SLC6A2: variants seen among roughly 807,000 people sequenced by gnomAD.
SLC6A2 encodes the protein solute carrier family 6 member 2, also known as sodium-dependent noradrenaline transporter.
Under a neutral mutation model 71.7 loss-of-function variants are expected in SLC6A2, and 26 were observed. That is an observed-to-expected ratio of 0.36 (90% confidence interval 0.27 to 0.50). The LOEUF (loss-of-function observed/expected upper bound fraction) is 0.50, where lower values mean the gene tolerates loss of function less well. Among genes scored for constraint, SLC6A2 ranks in the 20% least tolerant of loss-of-function variants. The pLI is 0.96. For missense variants in SLC6A2, 581 were observed against 803.9 expected (o/e 0.72, Z 3.35); for synonymous variants, 363 against 337.9 (o/e 1.07, Z -0.82).
rs1966038880 is a variant in SLC6A2 at position 55,703,633 on chromosome 16, T to G, written c.*1287T>G. ...GTTTTAGTTCCGTAAGAGAAATGAT[T>G]CCTAGTTTGCTAAATTGGTGGCATC... is the stretch of plus-strand genomic sequence containing the variant. On this transcript the variant is annotated 3_prime_UTR_variant, in exon 15 of 15. Coordinates refer to ENST00000568943, the MANE Select transcript of SLC6A2 (RefSeq NM_001172501.3). 6 of 985,472 alleles carry G rather than the reference T, an allele frequency of 6.1e-6. No individual in the cohort carries two copies. Among genetic ancestry groups the G allele is most frequent in the Non-Finnish European group, 7.2e-6 (6 of 829,940 alleles). 61.0% of individuals were successfully genotyped at this position (985,472 alleles called of 1,614,324 possible). A position where few individuals can be genotyped will look rare whatever the true frequency, so the allele number is the denominator to read the frequency against.
chr16:55,693,487 A>C (rs553154289), intron 6 of SLC6A2, among the ~76,000 whole-genome samples: 1 of 152,372 alleles, frequency 6.6e-6, no homozygotes, highest in South Asian at 2.1e-4. Flanking sequence ...AACATGAGGC[A>C]GAGAAGTTAA....
chr16:55,685,487 C>T (rs1965423358), intron 5 of SLC6A2, among the ~76,000 whole-genome samples: 2 of 152,104 alleles, frequency 1.3e-5, no homozygotes, highest in Admixed American at 1.3e-4. Context: ...GTCTCCACCA[C>T]AATAGGTTGA....
chr16:55,682,063 C>T (rs868317969), intron 4 of SLC6A2, among the ~76,000 whole-genome samples: 1 of 152,160 alleles, frequency 6.6e-6, no homozygotes, highest in Non-Finnish European at 1.5e-5. Context: ...TGCACTACCA[C>T]ACCCAGCTAA....
chr16:55,701,786 A>T, intron 13 of SLC6A2, 77 bp from the exon 14 acceptor site: 3 of 1,083,948 alleles, frequency 2.8e-6, no homozygotes, highest in Non-Finnish European at 4.3e-6. Flanking sequence ...GGTGGCCCTC[A>T]TCTGGGGGTG....
intron 6 of SLC6A2, among the ~76,000 whole-genome samples, chr16:55,692,500 A>G (rs1012561868): frequency 1.6e-4 from 25 of 152,040 alleles, no homozygotes; most frequent in African/African-American, 6.0e-4. Context: ...GGCCCTGCCA[A>G]CTCTCTTCCC....
At chr16:55,660,116 C>CAGCT (rs1284540639) in intron 2 of SLC6A2, among the ~76,000 whole-genome samples, 1 of 152,146 alleles carries the variant, frequency 6.6e-6, no homozygotes, top group African/African-American at 2.4e-5. Context: ...GGTTGAAGCT[C>CAGCT]AGCTGCTCTG....
intron 5 of SLC6A2, among the ~76,000 whole-genome samples, chr16:55,687,315 T>G (rs990899486): frequency 5.3e-5 from 8 of 152,256 alleles, no homozygotes; most frequent in African/African-American, 1.9e-4. Flanking sequence ...TATGTGTAGT[T>G]TGTCTTGATA....
chr16:55,702,747 C>CCAAA lies in SLC6A2; in HGVS notation c.*401_*402insCAAA, dbSNP rs201774381. Reference sequence around the variant, plus strand: ...TGGGCTTTTGATCAGATACCCCTCCCAAAAAAAAAAAAAACTAAAACTAAA... The same window carrying CCAAA: ...TGGGCTTTTGATCAGATACCCCTCCCCAAAAAAAAAAAAAAAAACTAAAACTAAA... On this transcript the variant is annotated 3_prime_UTR_variant, in exon 15 of 15. Coordinates refer to ENST00000568943, the MANE Select transcript of SLC6A2 (RefSeq NM_001172501.3). The CCAAA allele has an allele frequency of 8.1e-5, 75 of 920,560 alleles. No individual in the cohort carries two copies. The African/African-American group carries it at 1.0e-3, about 13-fold the overall frequency. 57.0% of individuals were successfully genotyped at this position (920,560 alleles called of 1,614,324 possible). A position where few individuals can be genotyped will look rare whatever the true frequency, so the allele number is the denominator to read the frequency against.
chr16:55,678,913 G>A (rs1965180392), intron 4 of SLC6A2, among the ~76,000 whole-genome samples: 1 of 152,204 alleles, frequency 6.6e-6, no homozygotes, highest in African/African-American at 2.4e-5. Context: ...TTGGGTGTAA[G>A]CTTGGGAGTC....
intron 4 of SLC6A2, among the ~76,000 whole-genome samples, chr16:55,680,228 C>G (rs1965226694): frequency 6.6e-6 from 1 of 152,112 alleles, no homozygotes; most frequent in African/African-American, 2.4e-5. Context: ...TGACAGGAGG[C>G]AGAGAGACTG....
At chr16:55,690,293 T>C (rs1294673081) in intron 5 of SLC6A2, among the ~76,000 whole-genome samples, 2 of 152,226 alleles carry the variant, frequency 1.3e-5, no homozygotes, top group African/African-American at 2.4e-5. Flanking sequence ...ATTTTACTTC[T>C]AAGGAGCTCA....
chr16:55,658,088 G>C (rs1964508546), intron 2 of SLC6A2, among the ~76,000 whole-genome samples: 1 of 152,180 alleles, frequency 6.6e-6, no homozygotes. Flanking sequence ...GTCAGAGGGA[G>C]GAAGGGCAAG....
At position 55,703,669 on chromosome 16, in the gene SLC6A2, G is replaced by C; in HGVS notation, c.*1323G>C. On this transcript the variant is annotated 3_prime_UTR_variant, in exon 15 of 15. Transcript: ENST00000568943. ...TAAATTGGTGGCATCTTTGGGAGGGGTTTCTGTTTATGGTTAGAGTCTCTT... is the reference window on the plus strand; with the variant it reads ...TAAATTGGTGGCATCTTTGGGAGGGCTTTCTGTTTATGGTTAGAGTCTCTT... 3 of 985,402 alleles carry C rather than the reference G, an allele frequency of 3.0e-6. No homozygotes were observed. Among genetic ancestry groups the C allele is most frequent in the Non-Finnish European group, 3.6e-6 (3 of 829,924 alleles). 61.0% of individuals were successfully genotyped at this position (985,402 alleles called of 1,614,324 possible).
chr16:55,699,515 T>C (rs1441904518), intron 11 of SLC6A2, 39 bp from the exon 12 acceptor site: 8 of 1,529,910 alleles, frequency 5.2e-6, no homozygotes, highest in Non-Finnish European at 7.3e-6. Context: ...CTGGCTATCA[T>C]GGGGGCCATG....
intron 7 of SLC6A2, among the ~76,000 whole-genome samples, chr16:55,695,077 G>A (rs1216646648): frequency 1.3e-5 from 2 of 152,206 alleles, no homozygotes; most frequent in Non-Finnish European, 2.9e-5. Flanking sequence ...TCTGGTATCA[G>A]GCTGTTGCAT....
At chr16:55,701,235 T>A (rs1965962853) in intron 13 of SLC6A2, among the ~76,000 whole-genome samples, 1 of 152,168 alleles carries the variant, frequency 6.6e-6, no homozygotes, top group Non-Finnish European at 1.5e-5. Flanking sequence ...GTCCCCATCC[T>A]CATTCTTTGT....
chr16:55,691,729 G>A (rs1597002580), intron 5 of SLC6A2, among the ~76,000 whole-genome samples, 189 bp from the exon 6 acceptor site: 4 of 152,274 alleles, frequency 2.6e-5, no homozygotes, highest in South Asian at 2.1e-4. Context: ...ACCTGTGTCC[G>A]TTTGCTGGTC....
At chr16:55,691,566 G>T (rs991697510) in intron 5 of SLC6A2, among the ~76,000 whole-genome samples, 3 of 152,204 alleles carry the variant, frequency 2.0e-5, no homozygotes, top group Admixed American at 2.0e-4. Context: ...ATGGAGTCAG[G>T]AGTCTTTCCT....
At chr16:55,677,686 A>T (rs201818609) in intron 4 of SLC6A2, among the ~76,000 whole-genome samples, 1 of 84,388 alleles carries the variant, frequency 1.2e-5, no homozygotes, top group Admixed American at 1.2e-4. Flanking sequence ...TGTTTGTTTT[A>T]AAAAAGACGG....
Sources: gnomAD v4.1 joint callset for allele counts (sites outside exome capture counted in the v4.1 genomes callset) on GRCh38, gnomAD v4.1.1 for gene constraint, MANE v1.5 for transcripts, NCBI Gene and HGNC (gene_info 2026-07-23, HGNC 2026-07-21) for gene names.